The following RASA1 variants were observed in gnomAD, a reference collection of about 807,000 sequenced individuals.
RASA1 encodes RAS p21 protein activator 1, also known as ras GTPase-activating protein 1.
RASA1 carries 25 observed loss-of-function variants against 132.2 expected under a neutral mutation model. The observed-to-expected ratio is 0.19, with a 90% CI of 0.14 to 0.26. The LOEUF is 0.26. Among genes scored for constraint, RASA1 ranks in the 10% least tolerant of loss-of-function variants. The probability of loss-of-function intolerance (pLI) is 1.00; values close to 1 mark genes in which losing one functional copy is unlikely to be tolerated. For synonymous variants in RASA1, 477 were observed against 449.9 expected (o/e 1.06, Z -0.76); for missense variants, 964 against 1,299.2 (o/e 0.74, Z 3.97).
chr5:87,363,404 CTTAT>C lies in RASA1; in HGVS notation c.1517_1520del (p.Tyr506LeufsTer13). On this transcript the variant is annotated frameshift_variant, in exon 11 of 25. Transcript: ENST00000274376. LOFTEE classifies it high-confidence loss of function. Reference sequence around the variant, plus strand: ...TATCTTAGAGGGTAGTGATGCCCAACTTATTTATTTTGAAAGCGAAAAACGAGCT... The same window carrying C: ...TATCTTAGAGGGTAGTGATGCCCAACTTATTTTGAAAGCGAAAAACGAGCT... 6.2e-7 allele frequency: 1 copy of C among 1,610,604 alleles called. No individual in the cohort carries two copies. The highest frequency in any genetic ancestry group is 8.5e-7 in the Non-Finnish European group (1 of 1,177,346).
intron 9 of RASA1, among the ~76,000 whole-genome samples, chr5:87,358,299 C>G (rs78229073): frequency 0.012 from 1,817 of 152,216 alleles, 28 homozygotes; most frequent in African/African-American, 0.041. Flanking sequence ...CATTTTTGAG[C>G]ACTATATTTT....
intron 1 of RASA1, among the ~76,000 whole-genome samples, chr5:87,321,458 G>A (rs1334389784): frequency 6.6e-6 from 1 of 152,156 alleles, no homozygotes; most frequent in African/African-American, 2.4e-5. Flanking sequence ...TTGTAAGTCT[G>A]CATCTCTGGA....
At chr5:87,361,028 A>G (rs1046439380) in intron 9 of RASA1, among the ~76,000 whole-genome samples, 1 of 152,182 alleles carries the variant, frequency 6.6e-6, no homozygotes, top group African/African-American at 2.4e-5. Context: ...ACACACACAC[A>G]TACACACACA....
In RASA1 at chr5:87,326,724, G is replaced by C. The variant is rs1042330925; in HGVS notation, c.540-4624G>C. On this transcript the variant is annotated intron_variant, in intron 1 of 24. Transcript: ENST00000274376. Reference sequence around the variant, plus strand: ...ATTGGGAAAAGAATGGGGGCTCTTTGGGGGTTTCCTTCTAGAGTTGCCAGG... The same window carrying C: ...ATTGGGAAAAGAATGGGGGCTCTTTCGGGGTTTCCTTCTAGAGTTGCCAGG... 5.9e-5 allele frequency among the ~76,000 whole-genome samples: 9 copies of C among 152,060 alleles called. 1 individual carries two copies. The highest frequency in any genetic ancestry group is 5.2e-4 in the Admixed American group (8 of 15,250).
intron 1 of RASA1, among the ~76,000 whole-genome samples, chr5:87,287,379 A>G (rs1349572051): frequency 6.8e-6 from 1 of 147,278 alleles, no homozygotes; most frequent in Non-Finnish European, 1.5e-5. Flanking sequence ...CCATATATAC[A>G]CACACCATAT....
chr5:87,348,942 A>G (rs1038828329), intron 7 of RASA1, among the ~76,000 whole-genome samples: 3 of 151,868 alleles, frequency 2.0e-5, no homozygotes, highest in Non-Finnish European at 2.9e-5. Flanking sequence ...TGTAGATATT[A>G]CTGACCAGAA....
At chr5:87,379,315 C>T (rs111845289) in intron 18 of RASA1, among the ~76,000 whole-genome samples, 2 of 152,084 alleles carry the variant, frequency 1.3e-5, no homozygotes, top group Non-Finnish European at 1.5e-5. Context: ...AGATAGGCTA[C>T]GGAATTCCGA....
chr5:87,338,106 T>G lies in RASA1; in HGVS notation c.1017+15T>G, dbSNP rs1279108841. 2 of 1,611,682 alleles carry G rather than the reference T, an allele frequency of 1.2e-6. No individual in the cohort carries two copies. Among genetic ancestry groups the G allele is most frequent in the Non-Finnish European group, 8.5e-7 (1 of 1,178,752 alleles). Reference sequence around the variant, plus strand: ...TAGAAGAGGTGGTAAGTTTTGTTCTTTTCTTCTCAATTCTAGATTCTAAAT... The same window carrying G: ...TAGAAGAGGTGGTAAGTTTTGTTCTGTTCTTCTCAATTCTAGATTCTAAAT... On this transcript the variant is annotated intron_variant, in intron 5 of 24. Coordinates refer to ENST00000274376, the MANE Select transcript of RASA1 (RefSeq NM_002890.3).
intron 1 of RASA1, among the ~76,000 whole-genome samples, chr5:87,272,346 C>CT (rs1476500145): frequency 6.6e-6 from 1 of 152,054 alleles, no homozygotes; most frequent in Non-Finnish European, 1.5e-5. Flanking sequence ...AAATTTCCTT[C>CT]TTATTTCATC....
chr5:87,368,978 A>G (rs921520293), intron 11 of RASA1, among the ~76,000 whole-genome samples: 6 of 152,128 alleles, frequency 3.9e-5, no homozygotes, highest in African/African-American at 9.7e-5. Flanking sequence ...TCCAATTCCT[A>G]TTTTCCATGA....
chr5:87,353,337 C>T (rs1402598048), intron 9 of RASA1, 102 bp downstream of exon 9: 5 of 897,520 alleles, frequency 5.6e-6, no homozygotes, highest in Non-Finnish European at 9.0e-6. Flanking sequence ...TTGGATACAA[C>T]TTAAAACTAC....
At chr5:87,346,508 A>T (rs1191955279) in intron 6 of RASA1, among the ~76,000 whole-genome samples, 164 bp from the exon 7 acceptor site, 2 of 151,978 alleles carry the variant, frequency 1.3e-5, no homozygotes, top group African/African-American at 4.8e-5. Context: ...TAAGTATAAT[A>T]TGTATATAAA....
chr5:87,287,702 ATATGTACACGCCATAGATATACCAT>A (rs200414973), intron 1 of RASA1, among the ~76,000 whole-genome samples: 11,141 of 102,422 alleles, frequency 0.11, 2,203 homozygotes, highest in Middle Eastern at 0.17. Flanking sequence ...TATATACCAT[ATATGTACACGCCATAGATATACCAT>A]TATGTACACG....
At chr5:87,324,941 C>CT (rs1757112904) in intron 1 of RASA1, among the ~76,000 whole-genome samples, 1 of 151,906 alleles carries the variant, frequency 6.6e-6, no homozygotes, top group Non-Finnish European at 1.5e-5. Context: ...AAATCAGTTG[C>CT]TTTTTTAATT....
At chr5:87,338,457 AGCTAGCTGGGATT>A (rs1020261413) in intron 5 of RASA1, among the ~76,000 whole-genome samples, 5 of 144,776 alleles carry the variant, frequency 3.5e-5, no homozygotes, top group African/African-American at 1.3e-4. Context: ...TCAGCCACCC[AGCTAGCTGGGATT>A]ACAGACATGT....
At chr5:87,298,378 A>C (rs1367149966) in intron 1 of RASA1, among the ~76,000 whole-genome samples, 1 of 149,134 alleles carries the variant, frequency 6.7e-6, no homozygotes, top group Non-Finnish European at 1.5e-5. Flanking sequence ...ATGCCACTGC[A>C]CTCCAGCCTG....
At chr5:87,355,755 G>C (rs1759603185) in intron 9 of RASA1, among the ~76,000 whole-genome samples, 1 of 152,198 alleles carries the variant, frequency 6.6e-6, no homozygotes, top group African/African-American at 2.4e-5. Flanking sequence ...TCATTCTAGA[G>C]GCCATTAAGA....
Position 87,275,476 on chromosome 5 carries a change from A to G in RASA1, c.539+6486A>G, listed in dbSNP as rs16902608. Among the ~76,000 whole-genome samples the G allele has an allele frequency of 9.2e-3, 1,404 of 152,190 alleles. 31 individuals carry two copies. Among genetic ancestry groups the G allele is most frequent in the East Asian group, 0.057 (296 of 5,154 alleles). On this transcript the variant is annotated intron_variant, in intron 1 of 24. Transcript: ENST00000274376. ...CTGTGGCTTCTTAACTCATAAATCTAGTGCCTCAACTGGGATGGCTGGAGC... is the reference window on the plus strand; with the variant it reads ...CTGTGGCTTCTTAACTCATAAATCTGGTGCCTCAACTGGGATGGCTGGAGC...
intron 23 of RASA1, among the ~76,000 whole-genome samples, chr5:87,388,951 A>G (rs187066306): frequency 2.0e-5 from 3 of 152,284 alleles, no homozygotes; most frequent in Admixed American, 2.0e-4. Context: ...TAGAATAGCA[A>G]TAATATTGTA....
Sources: gnomAD v4.1 joint callset for allele counts (sites outside exome capture counted in the v4.1 genomes callset) on GRCh38, gnomAD v4.1.1 for gene constraint, MANE v1.5 for transcripts, NCBI Gene and HGNC (gene_info 2026-07-23, HGNC 2026-07-21) for gene names.